Variants in WDFY4 observed in about 807,000 individuals in gnomAD.
WDFY4 encodes the protein WDFY family member 4.
Under a neutral mutation model 351.9 loss-of-function variants are expected in WDFY4, and 169 were observed. The observed-to-expected ratio is 0.48, with a 90% CI of 0.42 to 0.55. WDFY4 has a LOEUF of 0.55. WDFY4 is among the 20% of genes least tolerant of loss of function. The pLI, the probability that WDFY4 is intolerant of heterozygous loss-of-function variation, is 0.00. For synonymous variants in WDFY4, 1,622 were observed against 1,574.6 expected, an observed-to-expected ratio of 1.03 and a Z score of -0.71; for missense variants, 3,803 against 3,935.6, an observed-to-expected ratio of 0.97 and a Z score of 0.90.
Position 48,914,202 on chromosome 10 carries a change from A to G in WDFY4, c.7586+12339A>G, listed in dbSNP as rs199527544. On this transcript the variant is annotated intron_variant, in intron 47 of 61. Transcript: ENST00000325239. ...TAGAAGTTTATTGTTCTGATTGGAT[A>G]GTGATCAGTGTGAGGAAAAATCATG... 1.3e-5 allele frequency: 20 copies of G among 1,562,922 alleles called. No homozygotes were observed. In the East Asian group the frequency reaches 4.1e-4, roughly 32 times the overall value.
rs911733447 is a variant in WDFY4, at chr10:48,725,420, G to C, written c.592-461G>C. On this transcript the variant is annotated intron_variant, in intron 5 of 61. Coordinates refer to ENST00000325239, the MANE Select transcript of WDFY4 (RefSeq NM_001394531.1). ...AGTCCCTCTGTTAGCCATCAGGAAA[G>C]GGGATTGGCGGGAACAAGGAACCCA... 2.0e-5 allele frequency among the ~76,000 whole-genome samples: 3 copies of C among 152,204 alleles called. No individual in the cohort carries two copies. The South Asian group carries it at 6.2e-4, about 31-fold the overall frequency.
intron 1 of WDFY4, among the ~76,000 whole-genome samples, chr10:48,699,316 C>T (rs1418650321): frequency 1.3e-5 from 2 of 152,134 alleles, no homozygotes; most frequent in African/African-American, 4.8e-5. Flanking sequence ...ATGGGGACTT[C>T]GGAGCCAGCA....
At chr10:48,958,289 A>G (rs1284538284) in intron 52 of WDFY4, among the ~76,000 whole-genome samples, 1 of 152,212 alleles carries the variant, frequency 6.6e-6, no homozygotes, top group Non-Finnish European at 1.5e-5. Flanking sequence ...TCAAATCGTT[A>G]GACACCTCAC....
chr10:48,810,478 T>G (rs1589665650), intron 28 of WDFY4, 52 bp from the exon 29 acceptor site: 2 of 1,494,128 alleles, frequency 1.3e-6, no homozygotes, highest in Non-Finnish European at 1.8e-6. Context: ...TTTCTGGACA[T>G]GTCACTCGCT....
At chr10:48,893,151 G>A (rs1455042214) in intron 44 of WDFY4, among the ~76,000 whole-genome samples, 3 of 152,184 alleles carry the variant, frequency 2.0e-5, no homozygotes, top group African/African-American at 4.8e-5. Flanking sequence ...TTGGCTTTGA[G>A]ATGCATTGAT....
At chr10:48,716,366 C>A (rs2063910589) in intron 2 of WDFY4, among the ~76,000 whole-genome samples, 1 of 152,182 alleles carries the variant, frequency 6.6e-6, no homozygotes, top group Non-Finnish European at 1.5e-5. Context: ...CATTTTCTTT[C>A]TCTTTCTTCC....
intron 35 of WDFY4, chr10:48,823,665 T>C (rs1283221797): frequency 1.0e-6 from 1 of 1,004,850 alleles, no homozygotes. Flanking sequence ...GTGTTGTAAA[T>C]GGAAAGAAGC....
At position 48,946,991 on chromosome 10, in the gene WDFY4, T is replaced by TACACACAC. The variant is rs57927796; in HGVS notation, c.7977+44_7977+51dup. ...GCAGGTGAGCTGCTGCCACTCTCTG[T>TACACACAC]ACACACACACACACACACACACACA... On this transcript the variant is annotated intron_variant, in intron 51 of 61. Transcript: ENST00000325239. 4.9e-4 allele frequency: 534 copies of TACACACAC among 1,100,328 alleles called. 1 individual carries two copies. In the African/African-American group the frequency reaches 6.4e-3, roughly 13 times the overall value. The allele number at this position is 1,100,328 out of a possible 1,614,324, so 68.2% of individuals were successfully genotyped here.
In WDFY4 at chr10:48,725,922, A is replaced by G; in HGVS notation, c.633A>G (p.Gly211=). Reference sequence around the variant, plus strand: ...GCAGTGACTCTCAGGGCCTGGAGGGACTCCTCTCAGGAAGTGAGCTGCAGT... The same window carrying G: ...GCAGTGACTCTCAGGGCCTGGAGGGGCTCCTCTCAGGAAGTGAGCTGCAGT... ...NICSDSQGLE[G]LLSGSELQSL... Residue 211 remains glycine (G), a synonymous_variant, in exon 6 of 62, where the codon GGA becomes GGG. Transcript: ENST00000325239. 2 of 1,550,756 alleles carry G rather than the reference A, an allele frequency of 1.3e-6. No individual in the cohort carries two copies. The highest frequency in any genetic ancestry group is 1.7e-6 in the Non-Finnish European group (2 of 1,146,312).
chr10:48,754,461 C>A (rs367889891), intron 12 of WDFY4, among the ~76,000 whole-genome samples: 1 of 151,830 alleles, frequency 6.6e-6, no homozygotes, highest in East Asian at 1.9e-4. Flanking sequence ...GTAAATTACT[C>A]TCCTTCTGCA....
chr10:48,817,111 A>C, intron 31 of WDFY4, 134 bp from the exon 32 acceptor site: 2 of 1,043,474 alleles, frequency 1.9e-6, no homozygotes, highest in Non-Finnish European at 2.7e-6. Flanking sequence ...GTCTGGTGCT[A>C]ATCTGCAGTC....
chr10:48,755,320 T>C (rs2065304529), intron 12 of WDFY4, among the ~76,000 whole-genome samples: 1 of 152,174 alleles, frequency 6.6e-6, no homozygotes, highest in African/African-American at 2.4e-5. Flanking sequence ...GCCTATAGCT[T>C]ATCTATTCAT....
At chr10:48,863,245 A>G (rs1481939279) in intron 39 of WDFY4, among the ~76,000 whole-genome samples, 1 of 152,338 alleles carries the variant, frequency 6.6e-6, no homozygotes, top group East Asian at 1.9e-4. Flanking sequence ...ACAACACTTT[A>G]TTTAATCATT....
intron 12 of WDFY4, among the ~76,000 whole-genome samples, chr10:48,759,744 G>A (rs1331313057): frequency 1.3e-5 from 2 of 152,164 alleles, no homozygotes; most frequent in African/African-American, 2.4e-5. Context: ...GCACAGTTGC[G>A]AGTTTTAGGC....
intron 44 of WDFY4, among the ~76,000 whole-genome samples, chr10:48,892,064 C>T (rs57027138): frequency 8.5e-5 from 13 of 152,234 alleles, no homozygotes; most frequent in Non-Finnish European, 1.6e-4. Flanking sequence ...CTTGGCTCCT[C>T]ATCCCATCTT....
chr10:48,776,003 A>G (rs1452161315), intron 15 of WDFY4, among the ~76,000 whole-genome samples, 197 bp downstream of exon 15: 2 of 152,246 alleles, frequency 1.3e-5, no homozygotes, highest in African/African-American at 4.8e-5. Context: ...ATGGAGAAAG[A>G]TGAACCCCCA....
At chr10:48,897,254 G>C (rs906075713) in intron 44 of WDFY4, among the ~76,000 whole-genome samples, 200 bp from the exon 45 acceptor site, 3 of 152,216 alleles carry the variant, frequency 2.0e-5, no homozygotes, top group Admixed American at 6.5e-5. Flanking sequence ...GCCAGTGCTA[G>C]AGCTGACATG....
At chr10:48,930,408 G>A (rs1839922755) in intron 47 of WDFY4, among the ~76,000 whole-genome samples, 1 of 152,190 alleles carries the variant, frequency 6.6e-6, no homozygotes, top group Non-Finnish European at 1.5e-5. Flanking sequence ...ACAGATGATG[G>A]CACGACGGAT....
chr10:48,748,394 G>A (rs778675598), intron 12 of WDFY4, among the ~76,000 whole-genome samples: 3 of 152,114 alleles, frequency 2.0e-5, no homozygotes, highest in Non-Finnish European at 2.9e-5. Flanking sequence ...AAATAATAAA[G>A]CTAGAATTTG....
Sources: gnomAD v4.1 joint callset for allele counts (sites outside exome capture counted in the v4.1 genomes callset) on GRCh38, gnomAD v4.1.1 for gene constraint, MANE v1.5 for transcripts, NCBI Gene and HGNC (gene_info 2026-07-23, HGNC 2026-07-21) for gene names.